Variants in MSI2 observed in about 807,000 individuals in gnomAD.
The protein encoded by MSI2 is musashi RNA binding protein 2.
Under a neutral mutation model 45.6 loss-of-function variants are expected in MSI2, and 17 were observed. That is an observed-to-expected ratio of 0.37 (90% confidence interval 0.26 to 0.56). The LOEUF (loss-of-function observed/expected upper bound fraction) is 0.56. Ranked by LOEUF, MSI2 falls within the 20% of genes least tolerant of loss-of-function variation. The pLI is 0.77. For missense variants in MSI2, 293 were observed against 444.2 expected, an observed-to-expected ratio of 0.66 and a Z score of 3.06; for synonymous variants, 156 against 158.2, an observed-to-expected ratio of 0.99 and a Z score of 0.11.
At chr17:57,473,797 C>G (rs995203323) in intron 6 of MSI2, among the ~76,000 whole-genome samples, 1 of 152,130 alleles carries the variant, frequency 6.6e-6, no homozygotes, top group Non-Finnish European at 1.5e-5. Context: ...TGCTCCCTGA[C>G]CCTCTGCAAG....
intron 6 of MSI2, among the ~76,000 whole-genome samples, chr17:57,505,644 G>C (rs1380967853): frequency 6.6e-6 from 1 of 152,068 alleles, no homozygotes; most frequent in African/African-American, 2.4e-5. Flanking sequence ...TTTTGCCAGG[G>C]GAGTAAAAAC....
chr17:57,510,336 A>G (rs532282312), intron 6 of MSI2, among the ~76,000 whole-genome samples: 1 of 150,936 alleles, frequency 6.6e-6, no homozygotes, highest in Non-Finnish European at 1.5e-5. Context: ...ATATTTTATA[A>G]CAAGATGCTC....
intron 5 of MSI2, among the ~76,000 whole-genome samples, chr17:57,311,197 T>C (rs903482012): frequency 3.9e-5 from 6 of 152,178 alleles, no homozygotes; most frequent in South Asian, 2.1e-4. Flanking sequence ...TCAGAGAAAC[T>C]GTGGGAGACC....
At chr17:57,576,643 A>T (rs369665462) in intron 7 of MSI2, among the ~76,000 whole-genome samples, 3 of 151,886 alleles carry the variant, frequency 2.0e-5, no homozygotes, top group Non-Finnish European at 1.5e-5. Context: ...AATCCCAGCT[A>T]CTTGGGAGTC....
chr17:57,591,035 T>C (rs1332160896), intron 7 of MSI2, among the ~76,000 whole-genome samples: 2 of 152,214 alleles, frequency 1.3e-5, no homozygotes. Context: ...GAATCCTCAC[T>C]CTGTCAGGGC....
chr17:57,609,150 C>G (rs534894371), intron 8 of MSI2, among the ~76,000 whole-genome samples: 6 of 152,168 alleles, frequency 3.9e-5, no homozygotes, highest in African/African-American at 1.2e-4. Context: ...GCCTAATGTC[C>G]GGAGGTGAGG....
At chr17:57,271,136 G>A (rs976706342) in intron 5 of MSI2, among the ~76,000 whole-genome samples, 5 of 152,250 alleles carry the variant, frequency 3.3e-5, no homozygotes, top group Middle Eastern at 3.4e-3. Context: ...TTATCTGCCC[G>A]GGGGTAGCTC....
intron 11 of MSI2, among the ~76,000 whole-genome samples, chr17:57,673,054 G>A (rs1912931513): frequency 6.6e-6 from 1 of 152,200 alleles, no homozygotes; most frequent in African/African-American, 2.4e-5. Context: ...CTTCAGAGGG[G>A]CTCACCTTCG....
chr17:57,500,013 G>T (rs1028428133), intron 6 of MSI2, among the ~76,000 whole-genome samples: 1 of 152,142 alleles, frequency 6.6e-6, no homozygotes, highest in Non-Finnish European at 1.5e-5. Flanking sequence ...CTGGAATGAA[G>T]GGGAGGGGAC....
At chr17:57,491,917 A>G (rs1396155555) in intron 6 of MSI2, among the ~76,000 whole-genome samples, 1 of 152,120 alleles carries the variant, frequency 6.6e-6, no homozygotes, top group African/African-American at 2.4e-5. Flanking sequence ...ATTACTCTGA[A>G]AGTCATTTTG....
chr17:57,433,797 T>C (rs979535358), intron 6 of MSI2, among the ~76,000 whole-genome samples: 2 of 152,248 alleles, frequency 1.3e-5, no homozygotes, highest in Non-Finnish European at 2.9e-5. Context: ...GCGCCGCTCA[T>C]GCGGATTGTG....
chr17:57,463,408 C>T (rs1044580671), intron 6 of MSI2, among the ~76,000 whole-genome samples: 1 of 152,128 alleles, frequency 6.6e-6, no homozygotes, highest in African/African-American at 2.4e-5. Context: ...AAGCCACCCC[C>T]TGTCAAGCCA....
chr17:57,446,664 G>A (rs1318950925), intron 6 of MSI2, among the ~76,000 whole-genome samples: 2 of 152,218 alleles, frequency 1.3e-5, no homozygotes, highest in African/African-American at 2.4e-5. Flanking sequence ...CCACTAAGCT[G>A]TCAAAGAGAT....
chr17:57,586,283 A>G (rs999894779), intron 7 of MSI2, among the ~76,000 whole-genome samples: 1 of 152,144 alleles, frequency 6.6e-6, no homozygotes. Flanking sequence ...GGCACTTTCA[A>G]ATCACACTAT....
Position 57,645,173 on chromosome 17 carries a change from G to A in MSI2, c.728-6926G>A, listed in dbSNP as rs72834952. On this transcript the variant is annotated intron_variant, in intron 10 of 13. Transcript: ENST00000284073. ...AGGCCTTTAAAAGACACAGAGACCC[G>A]GCTCCCACCCGATTCTGTGGGCAGG... 4.2e-3 allele frequency among the ~76,000 whole-genome samples: 640 copies of A among 152,238 alleles called. 5 individuals carry two copies. The highest frequency in any genetic ancestry group is 6.5e-3 in the Non-Finnish European group (444 of 68,016).
intron 4 of MSI2, among the ~76,000 whole-genome samples, chr17:57,258,668 T>C (rs1907040281): frequency 6.6e-6 from 1 of 152,220 alleles, no homozygotes; most frequent in Non-Finnish European, 1.5e-5. Flanking sequence ...ATGCAACTTT[T>C]CTTTGTCAGC....
intron 5 of MSI2, among the ~76,000 whole-genome samples, chr17:57,324,118 G>A (rs1048295222): frequency 2.0e-5 from 3 of 152,186 alleles, no homozygotes; most frequent in Non-Finnish European, 4.4e-5. Flanking sequence ...GACCAGCCTG[G>A]GTAACATAGC....
At chr17:57,608,082 T>C (rs1253400070) in intron 8 of MSI2, among the ~76,000 whole-genome samples, 1 of 152,196 alleles carries the variant, frequency 6.6e-6, no homozygotes, top group Non-Finnish European at 1.5e-5. Context: ...CAGAAGGGCT[T>C]GTACCAGTGA....
At chr17:57,615,183 A>G (rs1567937331) in intron 8 of MSI2, among the ~76,000 whole-genome samples, 1 of 147,432 alleles carries the variant, frequency 6.8e-6, no homozygotes, top group Non-Finnish European at 1.5e-5. Context: ...GCTGGAGTGC[A>G]GTGGCGTGAT....
Sources: allele counts gnomAD v4.1 joint callset (sites outside exome capture counted in the v4.1 genomes callset), GRCh38; gene constraint gnomAD v4.1.1; transcripts MANE v1.5; gene names NCBI Gene and HGNC (gene_info 2026-07-23, HGNC 2026-07-21).